Variants in PHACTR1 observed in about 807,000 individuals in gnomAD.
PHACTR1 encodes phosphatase and actin regulator 1.
In PHACTR1, 16 loss-of-function variants were observed where a neutral mutation model predicts 69.2. That is an observed-to-expected ratio of 0.23 (90% CI 0.16 to 0.35). The LOEUF (loss-of-function observed/expected upper bound fraction) is 0.35. PHACTR1 is among the 10% of genes least tolerant of loss of function. PHACTR1 has a pLI of 1.00. For synonymous variants in PHACTR1, 312 were observed against 284.5 expected (o/e 1.10, Z -0.97); for missense variants, 510 against 734.7 (o/e 0.69, Z 3.54).
At chr6:12,799,869 C>T (rs550234310) in intron 4 of PHACTR1, among the ~76,000 whole-genome samples, 5 of 152,270 alleles carry the variant, frequency 3.3e-5, no homozygotes, top group East Asian at 3.9e-4. Flanking sequence ...TGAAAGATGA[C>T]GCTGGTATAA....
Position 13,053,654 on chromosome 6 carries a change from G to A in PHACTR1, c.415+125G>A, listed in dbSNP as rs1355820287. ...AGAAAAAATATCAAGCCTTGGAATG[G>A]CTCTTGTCTTTAAAATTTTTTCAGT... On this transcript the variant is annotated intron_variant, in intron 5 of 14. Coordinates refer to ENST00000332995, the MANE Select transcript of PHACTR1 (RefSeq NM_030948.6). 4 of 1,185,760 alleles carry A rather than the reference G, an allele frequency of 3.4e-6. No individual in the cohort carries two copies. In the African/African-American group the frequency reaches 6.2e-5, roughly 19 times the overall value. The allele number at this position is 1,185,760 out of a possible 1,614,324, so 73.5% of individuals were successfully genotyped here.
chr6:12,939,746 G>A (rs1283093695), intron 4 of PHACTR1, among the ~76,000 whole-genome samples: 1 of 151,934 alleles, frequency 6.6e-6, no homozygotes, highest in Non-Finnish European at 1.5e-5. Flanking sequence ...GTCACTGGCA[G>A]AGGTGGGCTC....
chr6:12,791,108 G>A (rs1772212900), intron 4 of PHACTR1, among the ~76,000 whole-genome samples: 1 of 152,162 alleles, frequency 6.6e-6, no homozygotes, highest in Non-Finnish European at 1.5e-5. Context: ...AGTCATGTAA[G>A]CAATTTTGTA....
At chr6:12,838,944 A>C (rs9463187) in intron 4 of PHACTR1, among the ~76,000 whole-genome samples, 40,450 of 152,058 alleles carry the variant, frequency 0.27, 5,845 homozygotes, top group Middle Eastern at 0.35. Flanking sequence ...GCTGCTGCTG[A>C]TGCTGCTGCC....
chr6:13,033,374 A>G (rs1210309738), intron 4 of PHACTR1, among the ~76,000 whole-genome samples: 2 of 152,164 alleles, frequency 1.3e-5, no homozygotes, highest in Non-Finnish European at 2.9e-5. Flanking sequence ...CAATGACTGC[A>G]TACACTTGTC....
intron 5 of PHACTR1, among the ~76,000 whole-genome samples, chr6:13,062,706 C>CA (rs1217686018): frequency 6.6e-6 from 1 of 152,184 alleles, no homozygotes. Flanking sequence ...GTGTCATTGA[C>CA]AGAGTACATT....
chr6:12,969,588 A>G (rs954738392), intron 4 of PHACTR1, among the ~76,000 whole-genome samples: 6 of 152,246 alleles, frequency 3.9e-5, no homozygotes, highest in Non-Finnish European at 8.8e-5. Context: ...CCAAAAATAT[A>G]TGCTTAAATA....
chr6:13,102,930 C>G (rs13215098), intron 5 of PHACTR1, among the ~76,000 whole-genome samples: 28,139 of 152,114 alleles, frequency 0.18, 2,759 homozygotes, highest in Middle Eastern at 0.24. Context: ...TCCAAGAAGC[C>G]AGCTTGTAAA....
chr6:12,961,822 G>T (rs1181182227), intron 4 of PHACTR1, among the ~76,000 whole-genome samples: 1 of 152,180 alleles, frequency 6.6e-6, no homozygotes, highest in Non-Finnish European at 1.5e-5. Flanking sequence ...TTTTCCTGAG[G>T]TCTTGCTCCT....
At chr6:13,241,430 G>C (rs145059005) in intron 10 of PHACTR1, among the ~76,000 whole-genome samples, 1 of 152,146 alleles carries the variant, frequency 6.6e-6, no homozygotes, top group Non-Finnish European at 1.5e-5. Flanking sequence ...GGGAGGTGGC[G>C]TGCAGGAATC....
intron 6 of PHACTR1, among the ~76,000 whole-genome samples, chr6:13,169,863 C>T (rs1317794937): frequency 2.0e-5 from 3 of 152,158 alleles, no homozygotes; most frequent in Admixed American, 2.0e-4. Context: ...AGAAAGTCTG[C>T]AGGCTAATAA....
At chr6:13,138,413 T>C (rs1372796028) in intron 5 of PHACTR1, among the ~76,000 whole-genome samples, 3 of 152,182 alleles carry the variant, frequency 2.0e-5, no homozygotes, top group Non-Finnish European at 1.5e-5. Context: ...TATTTTCAAG[T>C]GTTGATTAGA....
chr6:13,135,329 G>A (rs1435574774), intron 5 of PHACTR1, among the ~76,000 whole-genome samples: 5 of 152,166 alleles, frequency 3.3e-5, no homozygotes, highest in Admixed American at 3.3e-4. Flanking sequence ...ATTTGGAACC[G>A]CCCTGTCATT....
chr6:13,150,617 T>G (rs566595944), intron 5 of PHACTR1, among the ~76,000 whole-genome samples: 3 of 152,336 alleles, frequency 2.0e-5, no homozygotes, highest in South Asian at 4.1e-4. Context: ...TTTTTTCTTT[T>G]TTACATTCCT....
At chr6:12,937,880 C>T (rs1789636626) in intron 4 of PHACTR1, among the ~76,000 whole-genome samples, 1 of 152,194 alleles carries the variant, frequency 6.6e-6, no homozygotes, top group Non-Finnish European at 1.5e-5. Context: ...GCATGCTGAT[C>T]ACTTGAGGTC....
chr6:12,867,041 G>A (rs2127434277), intron 4 of PHACTR1, among the ~76,000 whole-genome samples: 1 of 152,286 alleles, frequency 6.6e-6, no homozygotes, highest in East Asian at 1.9e-4. Flanking sequence ...TGAAGAGAGA[G>A]AGAGAGAAGT....
chr6:13,184,846 C>T, intron 7 of PHACTR1: 2 of 1,366,556 alleles, frequency 1.5e-6, no homozygotes, highest in Non-Finnish European at 2.0e-6. Flanking sequence ...CCTCCTGTCC[C>T]AAGATCCTTC....
chr6:12,905,920 T>A (rs1399598194), intron 4 of PHACTR1, among the ~76,000 whole-genome samples: 1 of 152,214 alleles, frequency 6.6e-6, no homozygotes, highest in Non-Finnish European at 1.5e-5. Flanking sequence ...AGTAAAGAGG[T>A]TGAATGAATA....
intron 4 of PHACTR1, among the ~76,000 whole-genome samples, chr6:12,897,888 T>C (rs886911177): frequency 3.9e-5 from 6 of 152,056 alleles, no homozygotes; most frequent in Admixed American, 1.3e-4. Context: ...CAACAGGCCC[T>C]GGTGCGTGAT....
Sources: allele counts gnomAD v4.1 joint callset (sites outside exome capture counted in the v4.1 genomes callset), GRCh38; gene constraint gnomAD v4.1.1; transcripts MANE v1.5; gene names NCBI Gene and HGNC (gene_info 2026-07-23, HGNC 2026-07-21).